The following SEMA6D variants were observed in gnomAD, a reference collection of about 807,000 sequenced individuals.
SEMA6D encodes semaphorin-6D.
Under a neutral mutation model 106.6 loss-of-function variants are expected in SEMA6D, and 35 were observed. That is an observed-to-expected ratio of 0.33 (90% CI 0.25 to 0.44). The LOEUF (loss-of-function observed/expected upper bound fraction) is 0.44. Among genes scored for constraint, SEMA6D ranks in the 20% least tolerant of loss-of-function variants. The pLI, the probability that SEMA6D is intolerant of heterozygous loss-of-function variation, is 1.00. For missense variants in SEMA6D, 1,185 were observed against 1,345.9 expected (o/e 0.88, Z 1.87); for synonymous variants, 499 against 487.7 (o/e 1.02, Z -0.31).
chr15:47,187,965 A>G (rs554359620), intron 1 of SEMA6D, among the ~76,000 whole-genome samples: 1 of 152,270 alleles, frequency 6.6e-6, no homozygotes, highest in Non-Finnish European at 1.5e-5. Context: ...CATAATATAC[A>G]TTTGGGTAAA....
At chr15:47,591,334 T>C (rs1325226319) in intron 3 of SEMA6D, among the ~76,000 whole-genome samples, 1 of 152,190 alleles carries the variant, frequency 6.6e-6, no homozygotes, top group Admixed American at 6.5e-5. Flanking sequence ...ACATTAAATT[T>C]GGAGGAACAC....
intron 1 of SEMA6D, among the ~76,000 whole-genome samples, chr15:47,253,450 G>A (rs1317873409): frequency 1.3e-5 from 2 of 152,118 alleles, no homozygotes; most frequent in Non-Finnish European, 2.9e-5. Context: ...ATGCCATGAA[G>A]CGTTTCCCAA....
At chr15:47,713,498 A>G (rs772455627), upstream of SEMA6D, among the ~76,000 whole-genome samples, 4 of 152,198 alleles carry the variant, frequency 2.6e-5, no homozygotes, top group Non-Finnish European at 4.4e-5. Context: ...GGTCTATATT[A>G]TTAATGATTT....
chr15:47,244,164 C>T (rs570190582), intron 1 of SEMA6D, among the ~76,000 whole-genome samples: 23 of 151,988 alleles, frequency 1.5e-4, no homozygotes, highest in African/African-American at 5.1e-4. Flanking sequence ...TTGGGAAGGG[C>T]CATAAGAAGA....
intron 1 of SEMA6D, among the ~76,000 whole-genome samples, chr15:47,292,757 AGG>A (rs1015465210): frequency 2.0e-5 from 3 of 152,212 alleles, no homozygotes; most frequent in Non-Finnish European, 4.4e-5. Context: ...CATCCATCCC[AGG>A]GCCTGGGTAC....
chr15:47,285,233 ACTCTGTCTCTCTCTCT>A (rs1177686909), intron 1 of SEMA6D, among the ~76,000 whole-genome samples: 1 of 147,758 alleles, frequency 6.8e-6, no homozygotes, highest in Non-Finnish European at 1.5e-5. Context: ...CCTTTCCCCC[ACTCTGTCTCTCTCTCT>A]CTCTGTCTCT....
chr15:47,300,712 A>G (rs539590503), intron 1 of SEMA6D, among the ~76,000 whole-genome samples: 2 of 152,342 alleles, frequency 1.3e-5, no homozygotes, highest in Non-Finnish European at 2.9e-5. Context: ...AAAGAGGCTC[A>G]GGGAACATGT....
chr15:47,717,847 T>C, intron 1 of SEMA6D, among the ~76,000 whole-genome samples, 155 bp downstream of exon 1: 71 of 94,950 alleles, frequency 7.5e-4, no homozygotes, highest in African/African-American at 2.1e-3. Context: ...TGTGTGTGTG[T>C]GTGTGTGTGT....
chr15:47,649,677 C>T lies in SEMA6D; in HGVS notation c.-55+48781C>T, dbSNP rs113181400. On this transcript the variant is annotated intron_variant, in intron 4 of 19. Transcript: ENST00000558014. ...AGAAAGAGAGGGGAGGAGAGAGAGA[C>T]GGAGAGGGAGAGAGAAAGAGAAAGA... is the stretch of plus-strand genomic sequence containing the variant. 3.8e-3 allele frequency among the ~76,000 whole-genome samples: 571 copies of T among 151,852 alleles called. 2 individuals are homozygous for T. Among genetic ancestry groups the T allele is most frequent in the Admixed American group, 6.1e-3 (93 of 15,224 alleles).
At chr15:47,718,904 G>A (rs556638174) in intron 1 of SEMA6D, 5 of 152,342 alleles carry the variant, frequency 3.3e-5, no homozygotes, top group Admixed American at 3.3e-4. Context: ...CGTCTTGACA[G>A]CGGCGGTGTT....
chr15:47,684,841 CCATT>C (rs907200531), intron 4 of SEMA6D, among the ~76,000 whole-genome samples: 1 of 152,262 alleles, frequency 6.6e-6, no homozygotes, highest in African/African-American at 2.4e-5. Context: ...GAAAGGTACT[CCATT>C]CATTCATTCA....
chr15:47,249,499 C>A (rs768150181), intron 1 of SEMA6D, among the ~76,000 whole-genome samples: 6 of 151,610 alleles, frequency 4.0e-5, no homozygotes, highest in Non-Finnish European at 7.4e-5. Flanking sequence ...CTACCCACCC[C>A]CCATGCTCCA....
At chr15:47,415,146 T>C (rs1275960859) in intron 2 of SEMA6D, among the ~76,000 whole-genome samples, 4 of 152,214 alleles carry the variant, frequency 2.6e-5, no homozygotes, top group Non-Finnish European at 5.9e-5. Flanking sequence ...TCTGTGTTTT[T>C]ACATTGAATG....
intron 3 of SEMA6D, among the ~76,000 whole-genome samples, chr15:47,590,008 T>C (rs181420863): frequency 6.6e-6 from 1 of 152,298 alleles, no homozygotes; most frequent in African/African-American, 2.4e-5. Flanking sequence ...CCAAAAGATA[T>C]GTTGAAGTCC....
intron 1 of SEMA6D, among the ~76,000 whole-genome samples, chr15:47,378,014 C>G (rs1225727026): frequency 6.6e-6 from 1 of 152,060 alleles, no homozygotes; most frequent in African/African-American, 2.4e-5. Flanking sequence ...GGAAGGAAAC[C>G]TAAAAGCCCA....
intron 1 of SEMA6D, among the ~76,000 whole-genome samples, chr15:47,751,209 T>A (rs922413305): frequency 4.6e-5 from 7 of 152,170 alleles, no homozygotes; most frequent in African/African-American, 1.7e-4. Flanking sequence ...ATCATTAAGA[T>A]CTAAAGCCCT....
At chr15:47,722,128 T>G (rs960801670) in intron 1 of SEMA6D, among the ~76,000 whole-genome samples, 1 of 152,152 alleles carries the variant, frequency 6.6e-6, no homozygotes, top group Non-Finnish European at 1.5e-5. Flanking sequence ...CACCTTGCAA[T>G]GGTGTGTTCC....
chr15:47,650,522 T>G (rs1806299193), intron 4 of SEMA6D, among the ~76,000 whole-genome samples: 1 of 152,166 alleles, frequency 6.6e-6, no homozygotes, highest in African/African-American at 2.4e-5. Flanking sequence ...AGCTCGGTAA[T>G]GAGTTGCTGA....
At chr15:47,654,941 A>G (rs1460746553) in intron 4 of SEMA6D, among the ~76,000 whole-genome samples, 1 of 152,204 alleles carries the variant, frequency 6.6e-6, no homozygotes, top group Non-Finnish European at 1.5e-5. Context: ...ATGGCCTAAT[A>G]CAATCATAAA....
Sources: allele counts gnomAD v4.1 joint callset (sites outside exome capture counted in the v4.1 genomes callset), GRCh38; gene constraint gnomAD v4.1.1; transcripts MANE v1.5; gene names NCBI Gene and HGNC (gene_info 2026-07-23, HGNC 2026-07-21).